The following PITPNM1 variants were observed in gnomAD, a reference collection of about 807,000 sequenced individuals.
The protein encoded by PITPNM1 is phosphatidylinositol transfer protein membrane associated 1.
Under a neutral mutation model 133.3 loss-of-function variants are expected in PITPNM1, and 74 were observed. That is an observed-to-expected ratio of 0.56 (90% CI 0.46 to 0.67). The LOEUF (loss-of-function observed/expected upper bound fraction) is 0.67, where lower values mean the gene tolerates loss of function less well. Ranked by LOEUF, PITPNM1 falls within the 30% of genes least tolerant of loss-of-function variation. The pLI is 0.00. For missense variants in PITPNM1, 1,398 were observed against 1,739.5 expected (o/e 0.80, Z 3.49); for synonymous variants, 738 against 741.4 (o/e 1.00, Z 0.08).
At chr11:67,492,833 G>T in intron 23 of PITPNM1, 101 bp downstream of exon 23, 2 of 1,423,928 alleles carry the variant, frequency 1.4e-6, no homozygotes, top group Admixed American at 4.3e-5. Flanking sequence ...GGCCGGTTAG[G>T]CCTTCTCACA....
chr11:67,495,031 C>T (rs532952117), intron 17 of PITPNM1, 46 bp downstream of exon 17: 14 of 1,609,294 alleles, frequency 8.7e-6, no homozygotes, highest in African/African-American at 8.0e-5. Context: ...CAAAGCAGCC[C>T]ATCCCCGTCC....
In PITPNM1 at chr11:67,504,199, GC is replaced by G; in HGVS notation, c.-20del. On this transcript the variant is annotated 5_prime_UTR_variant, in exon 2 of 24. Transcript: ENST00000356404. This position sits in a 1 kb window ranked among gnomAD's most constrained non-coding sequence, Gnocchi z 5.4. ...TGAGCATCCTGAAGGCGCTCGGCGG[GC>G]CGCGCGCGGCCTCCGCTCCTCCTGG... 1.9e-6 allele frequency: 3 copies of G among 1,577,498 alleles called. No individual in the cohort carries two copies. The highest frequency in any genetic ancestry group is 2.6e-6 in the Non-Finnish European group (3 of 1,163,808).
At chr11:67,492,382 C>T in intron 23 of PITPNM1, 86 bp from the exon 24 acceptor site, 1 of 1,350,806 alleles carries the variant, frequency 7.4e-7, no homozygotes, top group Non-Finnish European at 9.9e-7. Context: ...GCACCTGAGG[C>T]AGGCTGGGGG....
chr11:67,498,777 T>C lies in PITPNM1; in HGVS notation c.1303A>G (p.Ser435Gly), dbSNP rs1382426602. ...AVHALFLILH[S>G]GNILDSGPGD... ...GGGCCTGAGTCCAGGATGTTGCCGCTGTGCAGGATAAGGAAGAGGGCGTGG... is the reference window on the plus strand; with the variant it reads ...GGGCCTGAGTCCAGGATGTTGCCGCCGTGCAGGATAAGGAAGAGGGCGTGG... The change falls in exon 10 of 24, where the codon AGC becomes GGC. Residue 435 changes from serine to glycine, a missense_variant. Ser to Gly is a moderately conservative substitution (Grantham distance 56). Transcript: ENST00000356404. The surrounding 1 kb of genome is among the most constrained non-coding windows in gnomAD (Gnocchi z 5.7). 1 of 1,612,470 alleles carries C rather than the reference T, an allele frequency of 6.2e-7. No individual in the cohort carries two copies. The highest frequency in any genetic ancestry group is 1.1e-5 in the South Asian group (1 of 91,070).
rs754928828 is a variant in PITPNM1 at position 67,502,079 on chromosome 11, G to A, written c.423C>T (p.Ile141=). The A allele has an allele frequency of 9.9e-6, 16 of 1,611,534 alleles. No homozygotes were observed. The highest frequency in any genetic ancestry group is 5.5e-5 in the South Asian group (5 of 91,024). ...AERRQRILDT[I]DIVRDAVAPG... ...GGGCCACTGCATCCCGCACGATGTCGATGGTGTCTGAGGGAGTTCGGCAAG... is the reference window on the plus strand; with the variant it reads ...GGGCCACTGCATCCCGCACGATGTCAATGGTGTCTGAGGGAGTTCGGCAAG... The change falls in exon 5 of 24, where the codon ATC becomes ATT. Residue 141 remains isoleucine, a synonymous_variant. Coordinates refer to ENST00000356404, the MANE Select transcript of PITPNM1 (RefSeq NM_004910.3). The surrounding 1 kb of genome is among the most constrained non-coding windows in gnomAD (Gnocchi z 5.9).
rs762548130 is a variant in PITPNM1 at position 67,497,337 on chromosome 11, G to A, written c.2040C>T (p.Pro680=). 6.2e-7 allele frequency: 1 copy of A among 1,610,264 alleles called. No individual in the cohort carries two copies. The highest frequency in any genetic ancestry group is 1.1e-5 in the South Asian group (1 of 90,974). Residue 680 remains proline (P), a synonymous_variant, in exon 14 of 24, where the codon CCC becomes CCT. Transcript: ENST00000356404. ...TGAAGTCAAGGCGGGCAGTGCTGCTGGGGCCGTCAGGTGCCTCGGAACTGG... is the reference window on the plus strand; with the variant it reads ...TGAAGTCAAGGCGGGCAGTGCTGCTAGGGCCGTCAGGTGCCTCGGAACTGG... ...PAASSEAPDG[P]SSTARLDFKV... is the part of the protein sequence containing the mutation.
At position 67,501,953 on chromosome 11, in the gene PITPNM1, C is replaced by T. The variant is rs916932686; in HGVS notation, c.549G>A (p.Thr183=). The T allele has an allele frequency of 1.2e-5, 20 of 1,613,404 alleles. No homozygotes were observed. The highest frequency in any genetic ancestry group is 2.2e-5 in the South Asian group (2 of 91,090). ...GCTTATAGGCACACATAAGGGGCCC[C>T]GTCTGTGCCGCCGTCCGTGCCCAGT... The part of the protein sequence containing the change: ...SDDWARTAAQ[T]GPLMCAYKLC... Residue 183 remains threonine (T), a synonymous_variant, in exon 5 of 24, where the codon ACG becomes ACA. Transcript: ENST00000356404.
At chr11:67,492,447 C>A (rs756935863) in intron 23 of PITPNM1, 151 bp from the exon 24 acceptor site, 10 of 780,260 alleles carry the variant, frequency 1.3e-5, no homozygotes, top group African/African-American at 3.5e-5. Context: ...AGATAGGACC[C>A]CAGGCTGGGA....
chr11:67,495,429 C>A lies in PITPNM1; in HGVS notation c.2482+9G>T, dbSNP rs1591055483. The A allele has an allele frequency of 6.7e-7, 1 of 1,492,384 alleles. No homozygotes were observed. The highest frequency in any genetic ancestry group is 9.0e-7 in the Non-Finnish European group (1 of 1,117,266). 92.4% of individuals were successfully genotyped at this position (1,492,384 alleles called of 1,614,324 possible). On this transcript the variant is annotated intron_variant, in intron 16 of 23. Coordinates refer to ENST00000356404, the MANE Select transcript of PITPNM1 (RefSeq NM_004910.3). ...CCCCAGGCTGGACTGCCTAGGCTGG[C>A]TGACTTACTCTTAACCACCTCACTG...
chr11:67,495,963 C>T (rs1427650870), intron 15 of PITPNM1, among the ~76,000 whole-genome samples: 1 of 152,242 alleles, frequency 6.6e-6, no homozygotes, highest in Non-Finnish European at 1.5e-5. Flanking sequence ...GGCACCCTCT[C>T]TAGCTTGGCT....
In PITPNM1 at chr11:67,502,902, A is replaced by C. The variant is rs1235851900; in HGVS notation, c.79-184T>G. On this transcript the variant is annotated intron_variant, in intron 2 of 23. Coordinates refer to ENST00000356404, the MANE Select transcript of PITPNM1 (RefSeq NM_004910.3). The surrounding 1 kb of genome is among the most constrained non-coding windows in gnomAD (Gnocchi z 5.9). ...AATCACAGATGCAGCCCAGCCCCGC[A>C]TGGGGTCTGCAACCCAGCACTCAGT... Among the ~76,000 whole-genome samples the C allele has an allele frequency of 6.6e-6, 1 of 152,206 alleles. No individual in the cohort carries two copies. Among genetic ancestry groups the C allele is most frequent in the Non-Finnish European group, 1.5e-5 (1 of 68,046 alleles).
intron 14 of PITPNM1, 163 bp downstream of exon 14, chr11:67,497,068 A>G: frequency 1.7e-6 from 1 of 574,924 alleles, no homozygotes; most frequent in South Asian, 3.2e-5. Context: ...ACCCTTGGCG[A>G]GTCCCTTCTT....
rs1316132867 is a variant in PITPNM1 at position 67,492,127 on chromosome 11, C to G, written c.3641G>C (p.Ser1214Thr). Reference sequence around the variant, plus strand: ...TCCCGGGCCCTCACGCTCCGCCTGGCTGGGGCCCCTCGAGCGAAGCAGCTG... The same window carrying G: ...TCCCGGGCCCTCACGCTCCGCCTGGGTGGGGCCCCTCGAGCGAAGCAGCTG... Reference protein sequence around the residue: ...QSQLLRSRGPSQAEREGPGTP... With the variant: ...QSQLLRSRGPTQAEREGPGTP... The change falls in exon 24 of 24, where the codon AGC becomes ACC. Residue 1214 changes from serine to threonine, a missense_variant. Around this residue, in one of 5 missense-constraint regions of PITPNM1, gnomAD observed 122 missense variants for 123.3 expected, o/e 0.99. Coordinates refer to ENST00000356404, the MANE Select transcript of PITPNM1 (RefSeq NM_004910.3). 6.2e-7 allele frequency: 1 copy of G among 1,612,060 alleles called. No homozygotes were observed. The highest frequency in any genetic ancestry group is 8.5e-7 in the Non-Finnish European group (1 of 1,179,824).
rs368370765 is a variant in PITPNM1 at position 67,492,247 on chromosome 11, G to C, written c.3521C>G (p.Ser1174Trp). The C allele has an allele frequency of 6.3e-7, 1 of 1,599,978 alleles. No homozygotes were observed. Among genetic ancestry groups the C allele is most frequent in the Admixed American group, 1.7e-5 (1 of 58,750 alleles). Residue 1174 changes from serine to tryptophan, a missense_variant, in exon 24 of 24, where the codon TCG (serine) becomes TGG (tryptophan). This residue lies in a region of PITPNM1 where 122 missense variants were observed against 123.3 expected (regional missense o/e 0.99). Transcript: ENST00000356404. The part of the protein sequence containing the change: ...VAHLGQLEAG[S>W]HSHASSGPPR... The stretch of plus-strand genomic sequence containing the variant: ...GGGTCCCGAGGAGGCATGCGAGTGC[G>C]AGCCCGCTTCCAGCTGGCCCAGGTG...
chr11:67,502,831 A>G lies in PITPNM1; in HGVS notation c.79-113T>C. 9.7e-7 allele frequency: 1 copy of G among 1,031,428 alleles called. No individual in the cohort carries two copies. Among genetic ancestry groups the G allele is most frequent in the Non-Finnish European group, 1.4e-6 (1 of 705,888 alleles). The allele number at this position is 1,031,428 out of a possible 1,614,324, so 63.9% of individuals were successfully genotyped here. A position where few individuals can be genotyped will look rare whatever the true frequency, so the allele number is the denominator to read the frequency against. ...TGGGGCCCTGGTCCCAGCCTTTTCA[A>G]CTCCCTGAAACCAGACCCCGCCCCA... On this transcript the variant is annotated intron_variant, in intron 2 of 23. Coordinates refer to ENST00000356404, the MANE Select transcript of PITPNM1 (RefSeq NM_004910.3). The surrounding 1 kb of genome is among the most constrained non-coding windows in gnomAD (Gnocchi z 5.9).
chr11:67,503,917 T>C, intron 2 of PITPNM1, 186 bp downstream of exon 2: 3 of 522,664 alleles, frequency 5.7e-6, no homozygotes, highest in Non-Finnish European at 6.9e-6. Flanking sequence ...GCTGGGCACT[T>C]AGCGGATGGG....
At position 67,493,728 on chromosome 11, in the gene PITPNM1, T is replaced by G; in HGVS notation, c.3118A>C (p.Ser1040Arg). The change falls in exon 21 of 24, where the codon AGC (serine) becomes CGC (arginine). Residue 1040 changes from serine (S) to arginine (R), a missense_variant. Ser to Arg is a moderately radical substitution (Grantham distance 110, BLOSUM62 -1). Coordinates refer to ENST00000356404, the MANE Select transcript of PITPNM1 (RefSeq NM_004910.3). ...GCGCCAGCTCGCACCTTGGGGTCGC[T>G]GCCCATGATGGAGACGCTGGCGGTG... Reference protein sequence around the residue: ...SFTASVSIMGSDPKVRAGAVD... With the variant: ...SFTASVSIMGRDPKVRAGAVD... The G allele has an allele frequency of 6.5e-7, 1 of 1,548,000 alleles. No individual in the cohort carries two copies. The highest frequency in any genetic ancestry group is 2.4e-5 in the East Asian group (1 of 40,962).
intron 12 of PITPNM1, 24 bp downstream of exon 12, chr11:67,497,893 G>GAA (rs1352335924): frequency 1.9e-6 from 3 of 1,603,590 alleles, no homozygotes; most frequent in Non-Finnish European, 1.7e-6. Context: ...CGCTCCTGAG[G>GAA]AGGCCGGGTT....
Position 67,498,312 on chromosome 11 carries a change from A to C in PITPNM1, c.1495T>G (p.Tyr499Asp). The change falls in exon 11 of 24, where the codon TAC becomes GAC. Residue 499 changes from tyrosine to aspartate, a missense_variant. Around this residue, in one of 5 missense-constraint regions of PITPNM1, gnomAD observed 574 missense variants for 698.7 expected, o/e 0.82. Transcript: ENST00000356404. The surrounding 1 kb of genome is among the most constrained non-coding windows in gnomAD (Gnocchi z 5.7). ...GACAGGCTGTCCCCATCGTGGCTGT[A>C]AGGGCTCAGGCTGTAGGAGGGGGAA... ...AYALVSNLSP[Y>D]SHDGDSLSRS... 1.3e-6 allele frequency: 2 copies of C among 1,581,292 alleles called. No individual in the cohort carries two copies. The highest frequency in any genetic ancestry group is 1.7e-6 in the Non-Finnish European group (2 of 1,162,396).
Sources: allele counts gnomAD v4.1 joint callset (sites outside exome capture counted in the v4.1 genomes callset), GRCh38; gene constraint gnomAD v4.1.1; regional missense constraint gnomAD v4.1.1; non-coding constraint Gnocchi (gnomAD v3.1); transcripts MANE v1.5; gene names NCBI Gene and HGNC (gene_info 2026-07-23, HGNC 2026-07-21).